The following ATXN7L1 variants were observed in gnomAD, a reference collection of about 807,000 sequenced individuals.
The protein encoded by ATXN7L1 is ataxin-7-like protein 1.
ATXN7L1 carries 15 observed loss-of-function variants against 70.8 expected under a neutral mutation model. The observed-to-expected ratio is 0.21, with a 90% CI of 0.14 to 0.33. The LOEUF (loss-of-function observed/expected upper bound fraction) is 0.33, where lower values mean the gene tolerates loss of function less well. Ranked by LOEUF, ATXN7L1 falls within the 10% of genes least tolerant of loss-of-function variation. The pLI is 1.00. For missense variants in ATXN7L1, 975 were observed against 1,097.1 expected, an observed-to-expected ratio of 0.89 and a Z score of 1.57; for synonymous variants, 440 against 445.1, an observed-to-expected ratio of 0.99 and a Z score of 0.14.
chr7:105,707,631 GAGCAACAACAC>G (rs1298802613), intron 3 of ATXN7L1, among the ~76,000 whole-genome samples: 1 of 152,216 alleles, frequency 6.6e-6, no homozygotes. Context: ...GGCCTTAAAA[GAGCAACAACAC>G]AGCAACAACC....
At chr7:105,712,346 C>T (rs1794030793) in intron 3 of ATXN7L1, among the ~76,000 whole-genome samples, 1 of 152,262 alleles carries the variant, frequency 6.6e-6, no homozygotes, top group Non-Finnish European at 1.5e-5. Flanking sequence ...CAAATTTCTG[C>T]AGCAGGCTTG....
intron 3 of ATXN7L1, among the ~76,000 whole-genome samples, chr7:105,768,394 C>T (rs1471606427): frequency 6.6e-6 from 1 of 152,224 alleles, no homozygotes; most frequent in Admixed American, 6.5e-5. Context: ...AGATCGCTTT[C>T]TCTCAACTTC....
chr7:105,626,503 A>G (rs1381777745), intron 7 of ATXN7L1, among the ~76,000 whole-genome samples: 1 of 152,250 alleles, frequency 6.6e-6, no homozygotes, highest in African/African-American at 2.4e-5. Flanking sequence ...ATTTTACTAT[A>G]AAAACAAAAC....
intron 9 of ATXN7L1, chr7:105,618,149 A>C (rs1794199322): frequency 6.8e-6 from 3 of 440,778 alleles, no homozygotes; most frequent in South Asian, 4.9e-5. Flanking sequence ...CAGGGAGTGA[A>C]ATACAGATCA....
At chr7:105,686,646 G>A (rs561978039) in intron 3 of ATXN7L1, among the ~76,000 whole-genome samples, 5 of 152,270 alleles carry the variant, frequency 3.3e-5, no homozygotes, top group Middle Eastern at 3.4e-3. Flanking sequence ...GCCCTAACAC[G>A]AAGCCTATTT....
At chr7:105,740,749 A>G (rs529278326) in intron 3 of ATXN7L1, among the ~76,000 whole-genome samples, 1 of 149,504 alleles carries the variant, frequency 6.7e-6, no homozygotes, top group Admixed American at 6.7e-5. Flanking sequence ...GCAGCTGCTC[A>G]GTCAAAGGTG....
intron 2 of ATXN7L1, among the ~76,000 whole-genome samples, chr7:105,849,661 T>C (rs951356967): frequency 1.3e-5 from 2 of 152,232 alleles, no homozygotes; most frequent in South Asian, 2.1e-4. Flanking sequence ...CTAAGTGAAG[T>C]GAACACAAAT....
At chr7:105,804,889 T>C (rs1211851586) in intron 2 of ATXN7L1, among the ~76,000 whole-genome samples, 1 of 152,140 alleles carries the variant, frequency 6.6e-6, no homozygotes, top group Non-Finnish European at 1.5e-5. Flanking sequence ...TCTTAACTCT[T>C]AGGATGTTGT....
At chr7:105,782,750 T>C (rs945867966) in intron 3 of ATXN7L1, among the ~76,000 whole-genome samples, 1 of 152,206 alleles carries the variant, frequency 6.6e-6, no homozygotes, top group Non-Finnish European at 1.5e-5. Context: ...TGTAAACCAA[T>C]ATTTGCAAAG....
intron 3 of ATXN7L1, among the ~76,000 whole-genome samples, chr7:105,705,386 T>G (rs939804913): frequency 5.9e-5 from 9 of 152,304 alleles, no homozygotes; most frequent in African/African-American, 2.2e-4. Flanking sequence ...CACATGCATC[T>G]TTTTGGCACT....
Position 105,741,167 on chromosome 7 carries a change from G to T in ATXN7L1, c.355+47437C>A, listed in dbSNP as rs569517181. ...GGGCTGCAGCAGAGTGGGGATGTGC[G>T]GAGGCTCAGCTCTAGATGTGAATTC... On this transcript the variant is annotated intron_variant, in intron 3 of 11. Coordinates refer to ENST00000419735, the MANE Select transcript of ATXN7L1 (RefSeq NM_020725.2). Among the ~76,000 whole-genome samples the T allele has an allele frequency of 1.2e-4, 18 of 152,224 alleles. No homozygotes were observed. The South Asian group carries it at 3.7e-3, about 32-fold the overall frequency.
At chr7:105,773,002 C>A (rs1318387462) in intron 3 of ATXN7L1, among the ~76,000 whole-genome samples, 2 of 152,138 alleles carry the variant, frequency 1.3e-5, no homozygotes, top group East Asian at 3.8e-4. Flanking sequence ...TGTTCTCTGA[C>A]CACCATCAAT....
At chr7:105,851,537 G>A (rs1814879686) in intron 2 of ATXN7L1, among the ~76,000 whole-genome samples, 1 of 152,224 alleles carries the variant, frequency 6.6e-6, no homozygotes, top group Non-Finnish European at 1.5e-5. Context: ...CAAACAGGGA[G>A]GACTCTTCCT....
intron 4 of ATXN7L1, chr7:105,649,526 G>A: frequency 2.0e-6 from 2 of 987,764 alleles, no homozygotes; most frequent in Non-Finnish European, 2.4e-6. Context: ...GGTTCTCTTG[G>A]CATCAAGTAG....
chr7:105,633,645 G>A lies in ATXN7L1; in HGVS notation c.1202+4708C>T, dbSNP rs544375918. 2.0e-4 allele frequency among the ~76,000 whole-genome samples: 30 copies of A among 152,172 alleles called. No individual in the cohort carries two copies. The Middle Eastern group carries it at 0.017, about 86-fold the overall frequency. Reference sequence around the variant, plus strand: ...TGAGGCAGGAAAATCGCTTGAATCCGTGAGGTGGAGGTTGCCATGAGCCGA... The same window carrying A: ...TGAGGCAGGAAAATCGCTTGAATCCATGAGGTGGAGGTTGCCATGAGCCGA... On this transcript the variant is annotated intron_variant, in intron 7 of 11. Transcript: ENST00000419735.
intron 3 of ATXN7L1, among the ~76,000 whole-genome samples, chr7:105,713,671 G>A (rs558665131): frequency 6.6e-6 from 1 of 152,384 alleles, no homozygotes; most frequent in South Asian, 2.1e-4. Context: ...GGACTCCGCA[G>A]GTTGGCTGGC....
chr7:105,619,530 ATTTTTTTTTTTTTTTTTTTTTTTT>A (rs10593739), intron 9 of ATXN7L1, among the ~76,000 whole-genome samples: 1 of 15,214 alleles, frequency 6.6e-5, no homozygotes, highest in African/African-American at 3.0e-4. Flanking sequence ...ATATATATAT[ATTTTTTTTTTTTTTTTTTTTTTTT>A]TTTTTTTTTT....
In ATXN7L1 at chr7:105,673,106, G is replaced by A. The variant is rs184530570; in HGVS notation, c.356-7818C>T. Among the ~76,000 whole-genome samples the A allele has an allele frequency of 4.4e-3, 665 of 152,264 alleles. 2 individuals carry two copies. The highest frequency in any genetic ancestry group is 0.01 in the Middle Eastern group (3 of 294). ...AGCATCCCAAAAATCTGATAGGCGC[G>A]GGGAACCCTGGTGTCTCCAGTTTGC... On this transcript the variant is annotated intron_variant, in intron 3 of 11. Transcript: ENST00000419735.
intron 3 of ATXN7L1, among the ~76,000 whole-genome samples, chr7:105,683,766 C>T (rs571884652): frequency 1.7e-4 from 26 of 152,210 alleles, no homozygotes; most frequent in South Asian, 1.5e-3. Context: ...TGCACACACA[C>T]GAACACAGGC....
Sources: allele counts gnomAD v4.1 joint callset (sites outside exome capture counted in the v4.1 genomes callset), GRCh38; gene constraint gnomAD v4.1.1; transcripts MANE v1.5; gene names NCBI Gene and HGNC (gene_info 2026-07-23, HGNC 2026-07-21).